The following SNCAIP variants were observed in gnomAD, a reference collection of about 807,000 sequenced individuals.
SNCAIP encodes synuclein alpha interacting protein.
A neutral mutation model predicts 86.7 loss-of-function variants in SNCAIP; 43 were observed. The ratio of observed to expected loss-of-function variants is 0.50; its 90% CI spans 0.39 to 0.64. SNCAIP has a LOEUF of 0.64. Among genes scored for constraint, SNCAIP ranks in the 30% least tolerant of loss-of-function variants. The pLI is 0.00. For missense variants in SNCAIP, 981 were observed against 1,103.1 expected (o/e 0.89, Z 1.57); for synonymous variants, 417 against 427.2 (o/e 0.98, Z 0.29).
Position 122,463,476 on chromosome 5 carries a change from T to G in SNCAIP, c.2755-15T>G, listed in dbSNP as rs781730167. 1 of 1,541,156 alleles carries G rather than the reference T, an allele frequency of 6.5e-7. No homozygotes were observed. ...GTTTTATCTAATTTTGGCCTGTGGT[T>G]TCTCTTCTGCTTAGGCATAATGACA... On this transcript the variant is annotated splice_polypyrimidine_tract_variant and intron_variant, in intron 10 of 10. Coordinates refer to ENST00000261368, the MANE Select transcript of SNCAIP (RefSeq NM_005460.4).
intron 6 of SNCAIP, chr5:122,440,326 G>C: frequency 2.6e-6 from 1 of 386,648 alleles, no homozygotes; most frequent in South Asian, 2.2e-5. Context: ...GTCTAGCTGT[G>C]TGCCTTGGAT....
intron 1 of SNCAIP, among the ~76,000 whole-genome samples, chr5:122,346,165 C>T (rs182312892): frequency 6.6e-6 from 1 of 152,208 alleles, no homozygotes; most frequent in East Asian, 1.9e-4. Flanking sequence ...TGACCTGGCC[C>T]TGCATTCCAG....
At chr5:122,436,730 C>T (rs905438583) in intron 6 of SNCAIP, 1 of 151,982 alleles carries the variant, frequency 6.6e-6, no homozygotes, top group Non-Finnish European at 1.5e-5. Context: ...TTATTGATAC[C>T]AGCAATAAAC....
At chr5:122,422,333 T>C (rs191308280) in intron 3 of SNCAIP, among the ~76,000 whole-genome samples, 1 of 152,238 alleles carries the variant, frequency 6.6e-6, no homozygotes, top group East Asian at 1.9e-4. Context: ...ACCTAGGGAG[T>C]CACTCAAGGA....
At chr5:122,343,065 G>A (rs950769952) in intron 1 of SNCAIP, among the ~76,000 whole-genome samples, 1 of 152,066 alleles carries the variant, frequency 6.6e-6, no homozygotes, top group Non-Finnish European at 1.5e-5. Context: ...AATAGTTTTG[G>A]CAAATATGTT....
rs1047757496 is a variant in SNCAIP, at chr5:122,382,148, T to G, written c.-46-8941T>G. Reference sequence around the variant, plus strand: ...ATCCTGAAGAGTGTTTTCCAACTTGTTTCCATTCTCCCCATCACTTTCAGG... The same window carrying G: ...ATCCTGAAGAGTGTTTTCCAACTTGGTTCCATTCTCCCCATCACTTTCAGG... On this transcript the variant is annotated intron_variant, in intron 1 of 10. Transcript: ENST00000261368. Among the ~76,000 whole-genome samples, 9 of 152,204 alleles carry G rather than the reference T, an allele frequency of 5.9e-5. 1 individual carries two copies. In the South Asian group the frequency reaches 6.2e-4, roughly 10 times the overall value.
At chr5:122,386,350 C>T (rs1161873954) in intron 1 of SNCAIP, among the ~76,000 whole-genome samples, 1 of 152,104 alleles carries the variant, frequency 6.6e-6, no homozygotes, top group Non-Finnish European at 1.5e-5. Flanking sequence ...AAGGAAACTT[C>T]TATGGAAGGT....
rs145388597 is a variant in SNCAIP at position 122,438,423 on chromosome 5, G to A, written c.1297-2206G>A. Among the ~76,000 whole-genome samples the A allele has an allele frequency of 4.9e-3, 739 of 152,254 alleles. 8 individuals carry two copies. The highest frequency in any genetic ancestry group is 0.034 in the Middle Eastern group (10 of 294). ...GGTGTCCTGTCCAGGGATGGTTCCC[G>A]CCCTGTGTTCTGAACTTCCAGGATG... On this transcript the variant is annotated intron_variant, in intron 6 of 10. Transcript: ENST00000261368.
chr5:122,386,078 T>C (rs1768072183), intron 1 of SNCAIP, among the ~76,000 whole-genome samples: 2 of 152,200 alleles, frequency 1.3e-5, no homozygotes, highest in Non-Finnish European at 2.9e-5. Context: ...CCAGAATGCA[T>C]ACACTAAAAT....
intron 1 of SNCAIP, among the ~76,000 whole-genome samples, chr5:122,380,810 T>C (rs547968085): frequency 6.9e-4 from 105 of 152,266 alleles, no homozygotes; most frequent in African/African-American, 2.3e-3. Context: ...CCAGTAGTCA[T>C]TTAGGAGCAG....
At chr5:122,459,845 G>A (rs1031109293) in intron 10 of SNCAIP, among the ~76,000 whole-genome samples, 16 of 152,070 alleles carry the variant, frequency 1.1e-4, no homozygotes, top group African/African-American at 3.9e-4. Flanking sequence ...TGTGCCCTGT[G>A]CCAAACCCAC....
chr5:122,377,747 A>G (rs1029095536), intron 1 of SNCAIP, among the ~76,000 whole-genome samples: 18 of 131,456 alleles, frequency 1.4e-4, no homozygotes, highest in African/African-American at 4.9e-4. Flanking sequence ...TGCCCATGTG[A>G]TCTCATTGTT....
chr5:122,452,352 G>A (rs1783866247), intron 10 of SNCAIP, among the ~76,000 whole-genome samples: 1 of 152,142 alleles, frequency 6.6e-6, no homozygotes, highest in Non-Finnish European at 1.5e-5. Flanking sequence ...ATTAAAAAAT[G>A]GTATAGCAGC....
chr5:122,413,735 T>C (rs954101443), intron 3 of SNCAIP, among the ~76,000 whole-genome samples: 1 of 151,684 alleles, frequency 6.6e-6, no homozygotes, highest in Non-Finnish European at 1.5e-5. Flanking sequence ...CCTTGCTAAG[T>C]TAAAAAAAAG....
intron 3 of SNCAIP, among the ~76,000 whole-genome samples, chr5:122,407,378 G>A (rs1773228868): frequency 6.6e-6 from 1 of 152,222 alleles, no homozygotes; most frequent in African/African-American, 2.4e-5. Context: ...GCTGCAGCAT[G>A]GTGATCAGAA....
intron 1 of SNCAIP, among the ~76,000 whole-genome samples, chr5:122,315,933 A>G (rs1406628922): frequency 6.6e-6 from 1 of 152,218 alleles, no homozygotes; most frequent in Non-Finnish European, 1.5e-5. Flanking sequence ...AAAAGTAAAA[A>G]GTCGAAAGCA....
chr5:122,447,680 T>C (rs1782625165), intron 8 of SNCAIP, among the ~76,000 whole-genome samples: 1 of 152,232 alleles, frequency 6.6e-6, no homozygotes, highest in Non-Finnish European at 1.5e-5. Context: ...TAGTTTTTAT[T>C]TTTTTCATTA....
chr5:122,404,202 G>A (rs1182437551), intron 3 of SNCAIP, among the ~76,000 whole-genome samples: 3 of 152,182 alleles, frequency 2.0e-5, no homozygotes, highest in Admixed American at 1.3e-4. Flanking sequence ...TGATGCAGGC[G>A]CCAATGAAAA....
At chr5:122,334,309 C>T (rs746933270) in intron 1 of SNCAIP, among the ~76,000 whole-genome samples, 1 of 151,948 alleles carries the variant, frequency 6.6e-6, no homozygotes, top group African/African-American at 2.4e-5. Flanking sequence ...TTTCAAATGA[C>T]TTGCCCAAGT....
Sources: gnomAD v4.1 joint callset for allele counts (sites outside exome capture counted in the v4.1 genomes callset) on GRCh38, gnomAD v4.1.1 for gene constraint, MANE v1.5 for transcripts, NCBI Gene and HGNC (gene_info 2026-07-23, HGNC 2026-07-21) for gene names.